Variants in DYNC2I1 observed in about 807,000 individuals in gnomAD.
DYNC2I1 encodes dynein 2 intermediate chain 1.
A neutral mutation model predicts 133.4 loss-of-function variants in DYNC2I1; 89 were observed. The observed-to-expected ratio is 0.67, with a 90% confidence interval of 0.56 to 0.80. The LOEUF is 0.80. DYNC2I1 is among the 30% of genes least tolerant of loss of function. The probability of loss-of-function intolerance (pLI) is 0.00; values close to 1 mark genes in which losing one functional copy is unlikely to be tolerated. For synonymous variants in DYNC2I1, 504 were observed against 484.3 expected (o/e 1.04, Z -0.54); for missense variants, 1,291 against 1,314.5 (o/e 0.98, Z 0.28).
chr7:158,884,587 T>C lies in DYNC2I1; in HGVS notation c.903T>C (p.Gly301=), dbSNP rs1426555558. ...AGAATGGTGAACACAGAAATCGAGG[T>C]GCAAGCTCAAAAAGAGATGGGACCA... is the stretch of plus-strand genomic sequence containing the variant. ...ESQNGEHRNR[G]ASSKRDGTSS... The change falls in exon 6 of 25, where the codon GGT becomes GGC. Residue 301 remains glycine, a synonymous_variant. Coordinates refer to ENST00000407559, the MANE Select transcript of DYNC2I1 (RefSeq NM_018051.5). The C allele has an allele frequency of 2.5e-6, 4 of 1,613,230 alleles. No individual in the cohort carries two copies. Among genetic ancestry groups the C allele is most frequent in the Non-Finnish European group, 2.5e-6 (3 of 1,179,624 alleles).
chr7:158,898,497 C>G (rs1212631550), intron 8 of DYNC2I1, among the ~76,000 whole-genome samples: 1 of 152,140 alleles, frequency 6.6e-6, no homozygotes, highest in Non-Finnish European at 1.5e-5. Context: ...CTTCTTTATT[C>G]ATGTTGACTC....
At chr7:158,956,594 A>G (rs1035159247) in exon 5 of DYNC2I1, 1 of 152,292 alleles carries the variant, frequency 6.6e-6, no homozygotes, top group East Asian at 1.9e-4. Context: ...CTGTGATGCC[A>G]CAAAGCAAAT....
chr7:158,859,374 T>A (rs1841669307), intron 1 of DYNC2I1, among the ~76,000 whole-genome samples: 1 of 152,204 alleles, frequency 6.6e-6, no homozygotes, highest in Admixed American at 6.5e-5. Context: ...TTTCTTTCTC[T>A]CCAGAAGATT....
At chr7:158,954,834 T>C (rs1231456909) in intron 4 of DYNC2I1, among the ~76,000 whole-genome samples, 3 of 152,216 alleles carry the variant, frequency 2.0e-5, no homozygotes, top group Admixed American at 2.0e-4. Context: ...AGAGTAAATC[T>C]GTTTATGACA....
At chr7:158,901,942 G>C in intron 9 of DYNC2I1, 126 bp downstream of exon 9, 2 of 711,190 alleles carry the variant, frequency 2.8e-6, no homozygotes, top group Non-Finnish European at 4.5e-6. Context: ...ATCTGGCTAG[G>C]TTGATTTAGG....
rs924910 is a variant in DYNC2I1, at chr7:158,879,581, C to T, written c.574-103C>T. On this transcript the variant is annotated intron_variant, in intron 4 of 24. Coordinates refer to ENST00000407559, the MANE Select transcript of DYNC2I1 (RefSeq NM_018051.5). ...CGATTTTCTTCAAATGTTTTTGATC[C>T]GTGGTTGGTTGGATCCGTCGTTGCA... 0.17 allele frequency: 207,120 copies of T among 1,219,296 alleles called. 18,812 individuals are homozygous for T. The highest frequency in any genetic ancestry group is 0.21 in the Middle Eastern group (726 of 3,452). The allele number at this position is 1,219,296 out of a possible 1,614,324, so 75.5% of individuals were successfully genotyped here. A position where few individuals can be genotyped will look rare whatever the true frequency, so the allele number is the denominator to read the frequency against.
At chr7:158,930,284 A>T (rs977129057) in intron 20 of DYNC2I1, among the ~76,000 whole-genome samples, 171 bp from the exon 21 acceptor site, 1 of 152,198 alleles carries the variant, frequency 6.6e-6, no homozygotes, top group South Asian at 2.1e-4. Context: ...CTAAGGCAGG[A>T]TACGTGAACC....
chr7:158,912,987 A>G lies in DYNC2I1; in HGVS notation c.1593A>G (p.Ala531=), dbSNP rs2129484908. The G allele has an allele frequency of 6.2e-7, 1 of 1,607,160 alleles. No individual in the cohort carries two copies. Among genetic ancestry groups the G allele is most frequent in the Middle Eastern group, 1.7e-4 (1 of 6,032 alleles). ...RNFGKKNTKQ[A]YVQCNEDNVE... ...TTTGGCATATTTTTGTTTTTAAGGC[A>G]TATGTTCAGTGTAACGAAGATAATG... The change falls in exon 13 of 25, where the codon GCA becomes GCG. Residue 531 remains alanine (A), a splice_region_variant and synonymous_variant. Coordinates refer to ENST00000407559, the MANE Select transcript of DYNC2I1 (RefSeq NM_018051.5).
intron 4 of DYNC2I1, among the ~76,000 whole-genome samples, chr7:158,879,420 C>T (rs900430807): frequency 2.0e-5 from 3 of 152,208 alleles, no homozygotes; most frequent in South Asian, 2.1e-4. Flanking sequence ...ATATAACCTA[C>T]GCCCTTCCAC....
rs114511979 is a variant in DYNC2I1, at chr7:158,886,862, A to G, written c.936-159A>G. Among the ~76,000 whole-genome samples the G allele has an allele frequency of 0.016, 2,369 of 152,290 alleles. 54 individuals are homozygous for G. Among genetic ancestry groups the G allele is most frequent in the African/African-American group, 0.054 (2,253 of 41,558 alleles). ...GTGGTCCTCCTGCCTCAATCTCCCA[A>G]ATAGCTGGGATTACAGGTGCAAGTC... On this transcript the variant is annotated intron_variant, in intron 6 of 24. Transcript: ENST00000407559.
chr7:158,880,088 G>A (rs1843844489), intron 5 of DYNC2I1, 99 bp downstream of exon 5: 1 of 1,387,572 alleles, frequency 7.2e-7, no homozygotes, highest in Non-Finnish European at 9.8e-7. Flanking sequence ...GTTGAGATTT[G>A]TGGCCTAGTA....
At chr7:158,840,041 T>C in the DYNC2I1 span, among the ~76,000 whole-genome samples, 30 of 152,250 alleles carry the variant, frequency 2.0e-4, no homozygotes, top group African/African-American at 6.7e-4. Context: ...TCTCAAACTC[T>C]TGGGCTCAAG....
At chr7:158,903,291 T>C (rs1308256948) in intron 10 of DYNC2I1, 1 of 152,214 alleles carries the variant, frequency 6.6e-6, no homozygotes, top group Non-Finnish European at 1.5e-5. Context: ...CAGGATATAA[T>C]GTTACTTGTG....
intron 8 of DYNC2I1, among the ~76,000 whole-genome samples, chr7:158,899,636 T>C (rs1846055141): frequency 1.3e-5 from 2 of 152,198 alleles, no homozygotes; most frequent in African/African-American, 4.8e-5. Flanking sequence ...AATTGAATCA[T>C]GGGGCCTGGT....
At chr7:158,913,700 A>G (rs945405503) in intron 13 of DYNC2I1, among the ~76,000 whole-genome samples, 2 of 151,898 alleles carry the variant, frequency 1.3e-5, no homozygotes, top group African/African-American at 4.8e-5. Flanking sequence ...AATTAAATTG[A>G]TGCCTTTGAA....
chr7:158,907,487 A>C (rs896104278), intron 11 of DYNC2I1, among the ~76,000 whole-genome samples: 106 of 152,246 alleles, frequency 7.0e-4, no homozygotes, highest in African/African-American at 2.5e-3. Flanking sequence ...GGATCTTGGA[A>C]TGTGTCAGGG....
At chr7:158,864,043 G>A (rs1008122820) in intron 1 of DYNC2I1, among the ~76,000 whole-genome samples, 1 of 145,226 alleles carries the variant, frequency 6.9e-6, no homozygotes, top group African/African-American at 2.6e-5. Context: ...GGTGTGGCGG[G>A]GTGGGGAGCG....
At chr7:158,895,252 C>G (rs1174332742) in intron 8 of DYNC2I1, among the ~76,000 whole-genome samples, 2 of 152,166 alleles carry the variant, frequency 1.3e-5, no homozygotes, top group African/African-American at 4.8e-5. Flanking sequence ...TTGTCCTGTG[C>G]TATTTCCTAA....
intron 24 of DYNC2I1, among the ~76,000 whole-genome samples, chr7:158,942,824 G>T (rs1486362419): frequency 1.3e-5 from 2 of 152,226 alleles, no homozygotes. Flanking sequence ...TATGGCTGGG[G>T]CGTGCATGTC....
Sources: allele counts gnomAD v4.1 joint callset (sites outside exome capture counted in the v4.1 genomes callset), GRCh38; gene constraint gnomAD v4.1.1; transcripts MANE v1.5; gene names NCBI Gene and HGNC (gene_info 2026-07-23, HGNC 2026-07-21).